Variants in GABRP observed in about 807,000 individuals in gnomAD.
The protein encoded by GABRP is gamma-aminobutyric acid type A receptor subunit pi, also known as gamma-aminobutyric acid receptor subunit pi.
GABRP carries 52 observed loss-of-function variants against 47.8 expected under a neutral mutation model. The observed-to-expected ratio is 1.09, with a 90% confidence interval of 0.87 to 1.37. GABRP has a LOEUF of 1.37. GABRP is among the 40% of genes most tolerant of loss of function. The probability of loss-of-function intolerance (pLI) is 0.00; values close to 1 mark genes in which losing one functional copy is unlikely to be tolerated. For synonymous variants in GABRP, 221 were observed against 205.8 expected, an observed-to-expected ratio of 1.07 and a Z score of -0.63; for missense variants, 525 against 542.8, an observed-to-expected ratio of 0.97 and a Z score of 0.33.
chr5:170,785,250 G>A (rs1427302364), intron 1 of GABRP, among the ~76,000 whole-genome samples: 1 of 152,208 alleles, frequency 6.6e-6, no homozygotes, highest in African/African-American at 2.4e-5. Flanking sequence ...AGTTCAGCTT[G>A]GGGGTGCTGA....
intron 3 of GABRP, among the ~76,000 whole-genome samples, chr5:170,792,462 G>A (rs1310819712): frequency 1.3e-5 from 2 of 151,432 alleles, no homozygotes; most frequent in Non-Finnish European, 2.9e-5. Flanking sequence ...AAGAAAGAAA[G>A]AAAGACAGAA....
In GABRP at chr5:170,813,809, T is replaced by G. The variant is rs1680415595; in HGVS notation, c.*1551T>G. The G allele has an allele frequency of 6.6e-6, 1 of 152,154 alleles. No individual in the cohort carries two copies. Among genetic ancestry groups the G allele is most frequent in the Admixed American group, 6.5e-5 (1 of 15,270 alleles). The allele number at this position is 152,154 out of a possible 1,614,324, so 9.4% of individuals were successfully genotyped here. On this transcript the variant is annotated 3_prime_UTR_variant, in exon 10 of 10. Transcript: ENST00000265294. ...TCCCATTATACTTCTCACAATTCAG[T>G]TTCTATGAGTTTGATCACCTGATTT...
rs1323059525 is a variant in GABRP, at chr5:170,813,803, A to G, written c.*1545A>G. On this transcript the variant is annotated 3_prime_UTR_variant, in exon 10 of 10. Coordinates refer to ENST00000265294, the MANE Select transcript of GABRP (RefSeq NM_014211.3). Reference sequence around the variant, plus strand: ...TCCTTTTCCCATTATACTTCTCACAATTCAGTTTCTATGAGTTTGATCACC... The same window carrying G: ...TCCTTTTCCCATTATACTTCTCACAGTTCAGTTTCTATGAGTTTGATCACC... 6.6e-6 allele frequency: 1 copy of G among 152,114 alleles called. No individual in the cohort carries two copies. Among genetic ancestry groups the G allele is most frequent in the Non-Finnish European group, 1.5e-5 (1 of 68,020 alleles). 9.4% of individuals were successfully genotyped at this position (152,114 alleles called of 1,614,324 possible).
intron 7 of GABRP, among the ~76,000 whole-genome samples, 176 bp downstream of exon 7, chr5:170,806,029 C>T (rs1466539478): frequency 6.6e-6 from 1 of 152,186 alleles, no homozygotes; most frequent in African/African-American, 2.4e-5. Flanking sequence ...AAATGGTCCA[C>T]TGAGGAACAG....
chr5:170,810,010 T>A (rs1561816554), intron 9 of GABRP: 1 of 701,020 alleles, frequency 1.4e-6, no homozygotes, highest in South Asian at 1.5e-5. Flanking sequence ...GTATGCAGCA[T>A]AAAATCACAA....
chr5:170,807,548 G>A (rs896129677), intron 7 of GABRP, among the ~76,000 whole-genome samples: 4 of 152,140 alleles, frequency 2.6e-5, no homozygotes, highest in African/African-American at 9.7e-5. Flanking sequence ...AATAAAGCAG[G>A]CAGTGTAGAC....
At position 170,809,756 on chromosome 5, in the gene GABRP, G is replaced by A. The variant is rs964378233; in HGVS notation, c.1020+1G>A. On this transcript the variant is annotated splice_donor_variant, in intron 9 of 9. Transcript: ENST00000265294. LOFTEE classifies it high-confidence loss of function. ...ACAGCAGATGGCAGCCAAAGATAGG[G>A]TAAGAGTCTTGAGGGCCCTGTGTAT... 4 of 1,585,412 alleles carry A rather than the reference G, an allele frequency of 2.5e-6. No homozygotes were observed. The African/African-American group carries it at 4.0e-5, about 16-fold the overall frequency.
intron 3 of GABRP, among the ~76,000 whole-genome samples, chr5:170,792,141 A>G (rs971607114): frequency 2.0e-5 from 3 of 152,202 alleles, no homozygotes; most frequent in African/African-American, 7.2e-5. Context: ...TCTGTTTTAC[A>G]GGTGTGAAAC....
intron 6 of GABRP, among the ~76,000 whole-genome samples, chr5:170,800,280 G>A (rs1425703999): frequency 6.6e-6 from 1 of 152,176 alleles, no homozygotes; most frequent in Non-Finnish European, 1.5e-5. Flanking sequence ...GGGAAAACTG[G>A]CTAGCCATAT....
chr5:170,799,891 A>G (rs150488791), intron 6 of GABRP, among the ~76,000 whole-genome samples: 1,827 of 152,306 alleles, frequency 0.012, 50 homozygotes, highest in African/African-American at 0.036. Context: ...AGGAAGAATC[A>G]ATATCGTGAA....
Position 170,795,317 on chromosome 5 carries a change from T to C in GABRP, c.350T>C (p.Val117Ala). Residue 117 changes from valine to alanine, a missense_variant, in exon 5 of 10, where the codon GTG becomes GCG. By Grantham distance (64) the Val-to-Ala change is moderately conservative (BLOSUM62 0). Transcript: ENST00000265294. ...GCCCGCCTCGTGGAGTTCCTCTGGG[T>C]GCCAGATACTTACATTGTGGAGTCC... Reference protein sequence around the residue: ...LDARLVEFLWVPDTYIVESKK... With the variant: ...LDARLVEFLWAPDTYIVESKK... 6.2e-7 allele frequency: 1 copy of C among 1,613,940 alleles called. No homozygotes were observed. Among genetic ancestry groups the C allele is most frequent in the Non-Finnish European group, 8.5e-7 (1 of 1,179,974 alleles).
intron 9 of GABRP, among the ~76,000 whole-genome samples, chr5:170,811,007 A>T (rs1765868733): frequency 6.6e-6 from 1 of 151,714 alleles, no homozygotes; most frequent in Non-Finnish European, 1.5e-5. Flanking sequence ...CCTCCTCTAA[A>T]GACACCAGAA....
intron 7 of GABRP, among the ~76,000 whole-genome samples, chr5:170,808,088 A>G (rs1465622792): frequency 6.6e-6 from 1 of 152,216 alleles, no homozygotes; most frequent in African/African-American, 2.4e-5. Flanking sequence ...TCCCACATCT[A>G]GAATACACTG....
intron 9 of GABRP, among the ~76,000 whole-genome samples, chr5:170,811,176 T>C (rs1369795287): frequency 6.8e-6 from 1 of 147,054 alleles, no homozygotes; most frequent in African/African-American, 2.5e-5. Flanking sequence ...CACTAATTGA[T>C]GTGGCACATT....
chr5:170,801,243 A>G (rs920189361), intron 6 of GABRP, among the ~76,000 whole-genome samples: 7 of 152,216 alleles, frequency 4.6e-5, no homozygotes, highest in African/African-American at 1.7e-4. Flanking sequence ...GGAGAGTCAC[A>G]TAGGGAGTTT....
chr5:170,789,789 C>T (rs951736942), intron 3 of GABRP, among the ~76,000 whole-genome samples: 2 of 152,176 alleles, frequency 1.3e-5, no homozygotes, highest in African/African-American at 4.8e-5. Flanking sequence ...CAATGCTCCC[C>T]AGTGTACTCA....
In GABRP at chr5:170,812,010, A is replaced by G. The variant is rs780232681; in HGVS notation, c.1075A>G (p.Ile359Val). ...VSITNIINSS[I>V]SSFKRKISFA... ...TATTACTAATATCATCAACAGCTCC[A>G]TCTCCAGCTTTAAACGGAAGATCAG... Residue 359 changes from isoleucine to valine, a missense_variant, in exon 10 of 10, where the codon ATC becomes GTC. Ile to Val is a conservative substitution (Grantham distance 29). Coordinates refer to ENST00000265294, the MANE Select transcript of GABRP (RefSeq NM_014211.3). 6.2e-7 allele frequency: 1 copy of G among 1,614,174 alleles called. No individual in the cohort carries two copies. The highest frequency in any genetic ancestry group is 1.7e-5 in the Admixed American group (1 of 60,022).
At chr5:170,804,227 GAGAT>G (rs1256101766) in intron 6 of GABRP, among the ~76,000 whole-genome samples, 3 of 147,524 alleles carry the variant, frequency 2.0e-5, no homozygotes, top group Admixed American at 6.6e-5. Context: ...TGAGATAGAT[GAGAT>G]AGATATATAT....
intron 6 of GABRP, among the ~76,000 whole-genome samples, chr5:170,801,459 C>T (rs1307988542): frequency 6.6e-6 from 1 of 152,188 alleles, no homozygotes; most frequent in Non-Finnish European, 1.5e-5. Flanking sequence ...CCAGAATGTT[C>T]AACTGAATTG....
Sources: gnomAD v4.1 joint callset for allele counts (sites outside exome capture counted in the v4.1 genomes callset) on GRCh38, gnomAD v4.1.1 for gene constraint, MANE v1.5 for transcripts, NCBI Gene and HGNC (gene_info 2026-07-23, HGNC 2026-07-21) for gene names.